Variants in SLC25A48 observed in about 807,000 individuals in gnomAD.
The protein encoded by SLC25A48 is solute carrier family 25 member 48.
Under a neutral mutation model 32.2 loss-of-function variants are expected in SLC25A48, and 29 were observed. The observed-to-expected ratio is 0.90, with a 90% CI of 0.67 to 1.23. The LOEUF (loss-of-function observed/expected upper bound fraction) is 1.23. Among genes scored for constraint, SLC25A48 ranks in the 50% most tolerant of loss-of-function variants. SLC25A48 has a pLI of 0.00. For synonymous variants in SLC25A48, 164 were observed against 172.3 expected, an observed-to-expected ratio of 0.95 and a Z score of 0.38; for missense variants, 399 against 422.7, an observed-to-expected ratio of 0.94 and a Z score of 0.49.
intron 4 of SLC25A48, chr5:135,822,039 A>C (rs1757902413): frequency 6.6e-6 from 1 of 152,234 alleles, no homozygotes. Flanking sequence ...TCACTGTTGA[A>C]GTGGAGCCGG....
chr5:135,723,378 T>TCACACACACACACACACACACACA, intron 3 of SLC25A48, among the ~76,000 whole-genome samples: 2 of 54,520 alleles, frequency 3.7e-5, no homozygotes, highest in South Asian at 9.0e-4. Context: ...TCTCTCTCTC[T>TCACACACACACACACACACACACA]CTCACACACA....
chr5:135,768,765 G>A (rs569991183), intron 3 of SLC25A48, among the ~76,000 whole-genome samples: 17 of 151,564 alleles, frequency 1.1e-4, no homozygotes, highest in African/African-American at 3.6e-4. Flanking sequence ...TCTCAATATC[G>A]CTGGGCTTGT....
chr5:135,834,344 A>C (rs905781895), upstream of SLC25A48, among the ~76,000 whole-genome samples: 1 of 152,212 alleles, frequency 6.6e-6, no homozygotes, highest in African/African-American at 2.4e-5. Flanking sequence ...TGAGATGAAC[A>C]AAAAGGCATC....
intron 3 of SLC25A48, among the ~76,000 whole-genome samples, chr5:135,751,028 A>G (rs1330100879): frequency 6.6e-6 from 1 of 152,202 alleles, no homozygotes; most frequent in East Asian, 1.9e-4. Flanking sequence ...CCTGAGACAC[A>G]TGAGAAGAAT....
intron 3 of SLC25A48, among the ~76,000 whole-genome samples, chr5:135,771,077 A>G (rs1027567731): frequency 6.1e-5 from 9 of 148,438 alleles, no homozygotes; most frequent in African/African-American, 2.2e-4. Context: ...GGAGAGAATG[A>G]TATTACTTTC....
rs538659525 is a variant in SLC25A48 at position 135,854,593 on chromosome 5, G to A, written c.421+1772G>A. Reference sequence around the variant, plus strand: ...CTCTCTCCACCTTCAGAGAATTGAGGAGAGTTATGTCCTTTCTCTGAGTTA... The same window carrying A: ...CTCTCTCCACCTTCAGAGAATTGAGAAGAGTTATGTCCTTTCTCTGAGTTA... On this transcript the variant is annotated intron_variant, in intron 4 of 7. Coordinates refer to ENST00000681962, the MANE Select transcript of SLC25A48 (RefSeq NM_001349336.2). 1.0e-3 allele frequency among the ~76,000 whole-genome samples: 159 copies of A among 152,336 alleles called. 1 individual carries two copies. The highest frequency in any genetic ancestry group is 1.3e-3 in the Non-Finnish European group (88 of 68,028).
At chr5:135,845,566 T>C (rs938442234) in intron 2 of SLC25A48, among the ~76,000 whole-genome samples, 1 of 152,080 alleles carries the variant, frequency 6.6e-6, no homozygotes, top group African/African-American at 2.4e-5. Flanking sequence ...GGAAATCCAG[T>C]CCTGGCCTTA....
chr5:135,758,264 A>C (rs569986896), intron 3 of SLC25A48, among the ~76,000 whole-genome samples: 1 of 150,842 alleles, frequency 6.6e-6, no homozygotes, highest in African/African-American at 2.4e-5. Context: ...TGTTTTTAAC[A>C]CATGATATTA....
At chr5:135,767,120 T>TG (rs34857220) in intron 3 of SLC25A48, among the ~76,000 whole-genome samples, 46,545 of 151,178 alleles carry the variant, frequency 0.31, 7,345 homozygotes, top group East Asian at 0.46. Flanking sequence ...GTACATTCCC[T>TG]TGACATGTTT....
At chr5:135,662,831 A>G (rs1753435977) in intron 3 of SLC25A48, among the ~76,000 whole-genome samples, 1 of 151,966 alleles carries the variant, frequency 6.6e-6, no homozygotes, top group Non-Finnish European at 1.5e-5. Context: ...GTGTCCTCCA[A>G]TTCCCCCTCT....
intron 3 of SLC25A48, among the ~76,000 whole-genome samples, chr5:135,720,883 C>G (rs1249525353): frequency 4.6e-5 from 7 of 152,018 alleles, no homozygotes; most frequent in African/African-American, 1.7e-4. Context: ...GACCTGGTAA[C>G]CCTGGGTTCT....
chr5:135,873,930 T>C, intron 5 of SLC25A48, 91 bp from the exon 6 acceptor site: 2 of 1,351,510 alleles, frequency 1.5e-6, no homozygotes, highest in Non-Finnish European at 1.9e-6. Context: ...CCCAGCTTAA[T>C]GAATCTCTAA....
chr5:135,656,312 GA>G (rs1218713397), intron 3 of SLC25A48, among the ~76,000 whole-genome samples: 14 of 152,216 alleles, frequency 9.2e-5, no homozygotes, highest in African/African-American at 2.4e-4. Context: ...TGGCCATCCT[GA>G]TGTGCTACTT....
intron 3 of SLC25A48, among the ~76,000 whole-genome samples, chr5:135,689,589 G>A (rs1395419024): frequency 3.4e-5 from 4 of 117,228 alleles, no homozygotes; most frequent in African/African-American, 1.3e-4. Flanking sequence ...TCTATTTTGT[G>A]CATTCATGCA....
intron 3 of SLC25A48, among the ~76,000 whole-genome samples, chr5:135,685,271 T>C (rs1753995374): frequency 6.6e-6 from 1 of 151,338 alleles, no homozygotes; most frequent in South Asian, 2.1e-4. Context: ...CATTCTCTTG[T>C]GGATTTTGTA....
chr5:135,866,841 G>A (rs900160369), intron 4 of SLC25A48, among the ~76,000 whole-genome samples: 1 of 152,166 alleles, frequency 6.6e-6, no homozygotes, highest in Non-Finnish European at 1.5e-5. Context: ...TGCTAGTCTT[G>A]GTTACATAGG....
chr5:135,625,474 C>T (rs1469596112), intron 1 of SLC25A48, among the ~76,000 whole-genome samples: 1 of 152,106 alleles, frequency 6.6e-6, no homozygotes, highest in East Asian at 1.9e-4. Context: ...GGGTCCTTCT[C>T]ATCCACACCT....
At chr5:135,780,853 G>A (rs1174528369) in intron 3 of SLC25A48, among the ~76,000 whole-genome samples, 1 of 115,556 alleles carries the variant, frequency 8.7e-6, no homozygotes, top group Non-Finnish European at 2.1e-5. Flanking sequence ...CTGTGACATT[G>A]TTTCTAATAT....
At chr5:135,731,194 T>G (rs1580821790) in intron 3 of SLC25A48, among the ~76,000 whole-genome samples, 6 of 146,362 alleles carry the variant, frequency 4.1e-5, no homozygotes, top group South Asian at 2.2e-4. Flanking sequence ...CTGGTAGGGG[T>G]GGGGGTCATA....
Sources: allele counts gnomAD v4.1 joint callset (sites outside exome capture counted in the v4.1 genomes callset), GRCh38; gene constraint gnomAD v4.1.1; transcripts MANE v1.5; gene names NCBI Gene and HGNC (gene_info 2026-07-23, HGNC 2026-07-21).